The following CCAR1 variants were observed in gnomAD, a reference collection of about 807,000 sequenced individuals.
CCAR1 encodes the protein cell division cycle and apoptosis regulator 1.
CCAR1 carries 78 observed loss-of-function variants against 163.8 expected under a neutral mutation model. That is an observed-to-expected ratio of 0.48 (90% CI 0.40 to 0.57). CCAR1 has a LOEUF of 0.57. Among genes scored for constraint, CCAR1 ranks in the 20% least tolerant of loss-of-function variants. CCAR1 has a pLI of 0.00. For missense variants in CCAR1, 1,019 were observed against 1,365.2 expected (o/e 0.75, Z 4.00); for synonymous variants, 443 against 460.7 (o/e 0.96, Z 0.49).
chr10:68,721,792 C>G, intron 1 of CCAR1: 1 of 266,128 alleles, frequency 3.8e-6, no homozygotes, highest in South Asian at 2.8e-5. Context: ...AGCTCTGGCC[C>G]TTGAGGGTCG....
At chr10:68,774,630 C>CAA (rs767640848) in intron 19 of CCAR1, among the ~76,000 whole-genome samples, 1 of 105,122 alleles carries the variant, frequency 9.5e-6, no homozygotes, top group African/African-American at 3.5e-5. Flanking sequence ...AACTCCATCT[C>CAA]AAAAAAAAAA....
chr10:68,726,128 A>G (rs1278592210), intron 2 of CCAR1, among the ~76,000 whole-genome samples: 8 of 147,808 alleles, frequency 5.4e-5, no homozygotes, highest in Non-Finnish European at 8.9e-5. Context: ...AAAAAAAAAA[A>G]AAAAAGAAAT....
intron 2 of CCAR1, among the ~76,000 whole-genome samples, chr10:68,723,853 GA>G (rs56293518): frequency 0.9 from 128,527 of 143,242 alleles, 57,432 homozygotes; most frequent in East Asian, 0.96. Flanking sequence ...ATCTCAAAAA[GA>G]AAAAAAAAAA....
chr10:68,767,711 A>G (rs2056553512), intron 17 of CCAR1, among the ~76,000 whole-genome samples: 1 of 152,018 alleles, frequency 6.6e-6, no homozygotes. Context: ...GCCCCGGCTA[A>G]TTTTTGCATG....
At chr10:68,747,599 A>G in intron 8 of CCAR1, 33 bp downstream of exon 8, 1 of 1,571,716 alleles carries the variant, frequency 6.4e-7, no homozygotes. Flanking sequence ...CAAATGTATA[A>G]CTTTTTAGTT....
rs568163356 is a variant in CCAR1, at chr10:68,769,828, C to T, written c.2299-1378C>T. Among the ~76,000 whole-genome samples the T allele has an allele frequency of 1.8e-3, 278 of 150,866 alleles. 1 individual carries two copies. Among genetic ancestry groups the T allele is most frequent in the African/African-American group, 6.5e-3 (266 of 41,034 alleles). On this transcript the variant is annotated intron_variant, in intron 17 of 24. Transcript: ENST00000265872. ...TGGTGGCAGGCGCTTGTAGGCCCAG[C>T]TACTGGGGAGGCTGAGGCAGGAGAA...
chr10:68,746,678 A>G lies in CCAR1; in HGVS notation c.519-483A>G, dbSNP rs573826165. 9.2e-5 allele frequency among the ~76,000 whole-genome samples: 14 copies of G among 152,154 alleles called. No individual in the cohort carries two copies. In the East Asian group the frequency reaches 1.7e-3, roughly 19 times the overall value. On this transcript the variant is annotated intron_variant, in intron 6 of 24. Transcript: ENST00000265872. ...CTGGAACCTCCACCACCTGGGTTCA[A>G]GCAATTCTCCTGCCTCAGCCTCCTG... is the stretch of plus-strand genomic sequence containing the variant.
At chr10:68,752,069 A>G (rs1205094061) in intron 10 of CCAR1, among the ~76,000 whole-genome samples, 1 of 150,838 alleles carries the variant, frequency 6.6e-6, no homozygotes, top group Non-Finnish European at 1.5e-5. Flanking sequence ...GGCGCCCGCT[A>G]CCACGCCCAG....
At chr10:68,737,600 T>C (rs1162962) in intron 3 of CCAR1, among the ~76,000 whole-genome samples, 100,439 of 151,628 alleles carry the variant, frequency 0.66, 33,991 homozygotes, top group Non-Finnish European at 0.73. Context: ...TTACTTCTTT[T>C]TGGATCCCGG....
At chr10:68,754,601 C>G in intron 11 of CCAR1, 113 bp from the exon 12 acceptor site, 1 of 607,974 alleles carries the variant, frequency 1.6e-6, no homozygotes, top group Non-Finnish European at 2.9e-6. Context: ...AGTATTACTT[C>G]CTATTTTTAT....
chr10:68,758,502 C>CTG (rs1564541485), intron 15 of CCAR1, among the ~76,000 whole-genome samples: 1 of 101,204 alleles, frequency 9.9e-6, no homozygotes, highest in Non-Finnish European at 2.0e-5. Context: ...CCATCCTGGG[C>CTG]AGTGTGTGTG....
intron 19 of CCAR1, among the ~76,000 whole-genome samples, chr10:68,784,214 T>A (rs2056769510): frequency 6.6e-6 from 1 of 151,670 alleles, no homozygotes; most frequent in African/African-American, 2.4e-5. Flanking sequence ...TTGACTCTAT[T>A]TATATATTTA....
chr10:68,751,784 A>C (rs575827736), intron 10 of CCAR1, among the ~76,000 whole-genome samples: 19 of 151,526 alleles, frequency 1.3e-4, no homozygotes, highest in African/African-American at 4.6e-4. Flanking sequence ...GAATCGCTTG[A>C]ACCCGGGAGG....
intron 6 of CCAR1, among the ~76,000 whole-genome samples, chr10:68,745,609 G>A (rs529143820): frequency 4.6e-4 from 69 of 151,438 alleles, no homozygotes; most frequent in African/African-American, 1.3e-3. Context: ...GATTACAGGT[G>A]CCTACCACCA....
At chr10:68,766,576 G>C (rs2056538441) in intron 17 of CCAR1, among the ~76,000 whole-genome samples, 1 of 151,110 alleles carries the variant, frequency 6.6e-6, no homozygotes, top group South Asian at 2.1e-4. Flanking sequence ...GTCCAGGCTG[G>C]AGTGCAGTGA....
Position 68,791,472 on chromosome 10 carries a change from G to T in CCAR1, c.*206G>T. On this transcript the variant is annotated 3_prime_UTR_variant, in exon 25 of 25. Coordinates refer to ENST00000265872, the MANE Select transcript of CCAR1 (RefSeq NM_018237.4). ...GCCTTCAAATTATTAAACACTCCTT[G>T]AGTGAAATAATTTTGCATTGCAAAG... The T allele has an allele frequency of 2.8e-6, 1 of 360,944 alleles. No homozygotes were observed. Among genetic ancestry groups the T allele is most frequent in the South Asian group, 6.8e-5 (1 of 14,644 alleles). 22.4% of individuals were successfully genotyped at this position (360,944 alleles called of 1,614,324 possible).
chr10:68,737,865 G>T lies in CCAR1; in HGVS notation c.267G>T (p.Gln89His). The T allele has an allele frequency of 6.3e-7, 1 of 1,594,150 alleles. No individual in the cohort carries two copies. The highest frequency in any genetic ancestry group is 8.5e-7 in the Non-Finnish European group (1 of 1,173,408). Residue 89 changes from glutamine to histidine, a missense_variant, in exon 4 of 25, where the codon CAG becomes CAT. By Grantham distance (24) the Gln-to-His change is conservative. Coordinates refer to ENST00000265872, the MANE Select transcript of CCAR1 (RefSeq NM_018237.4). ...ALQQQYSQPQ[Q>H]ALYSVQQQLQ... ...TTCAGCAATATTCACAACCTCAGCA[G>T]GCCCTGTATAGTGTGCAACAACAGG...
At position 68,783,212 on chromosome 10, in the gene CCAR1, C is replaced by T. The variant is rs150776566; in HGVS notation, c.2651-2924C>T. Among the ~76,000 whole-genome samples the T allele has an allele frequency of 2.0e-3, 298 of 151,462 alleles. 2 individuals carry two copies. Among genetic ancestry groups the T allele is most frequent in the East Asian group, 0.019 (97 of 5,146 alleles). On this transcript the variant is annotated intron_variant, in intron 19 of 24. Coordinates refer to ENST00000265872, the MANE Select transcript of CCAR1 (RefSeq NM_018237.4). ...TATTTTTATTTTTTATTTTTTGAGA[C>T]GGAGTCTTGCTCTGTTGCCCAGGCT... is the stretch of plus-strand genomic sequence containing the variant.
chr10:68,753,784 C>G (rs2056366690), intron 10 of CCAR1, 68 bp from the exon 11 acceptor site: 1 of 1,138,686 alleles, frequency 8.8e-7, no homozygotes, highest in Non-Finnish European at 1.3e-6. Context: ...ATATTTGCTA[C>G]AGAATTAAAT....
Sources: allele counts gnomAD v4.1 joint callset (sites outside exome capture counted in the v4.1 genomes callset), GRCh38; gene constraint gnomAD v4.1.1; transcripts MANE v1.5; gene names NCBI Gene and HGNC (gene_info 2026-07-23, HGNC 2026-07-21).